Variants in ARAP2 observed in about 807,000 individuals in gnomAD.
The protein encoded by ARAP2 is ArfGAP with RhoGAP domain, ankyrin repeat and PH domain 2, also known as arf-GAP with Rho-GAP domain, ANK repeat and PH domain-containing protein 2.
Under a neutral mutation model 194.5 loss-of-function variants are expected in ARAP2, and 148 were observed. The ratio of observed to expected loss-of-function variants is 0.76; its 90% CI spans 0.67 to 0.87. The LOEUF is 0.87. Among genes scored for constraint, ARAP2 ranks in the 40% least tolerant of loss-of-function variants. The pLI, the probability that ARAP2 is intolerant of heterozygous loss-of-function variation, is 0.00. For missense variants in ARAP2, 2,128 were observed against 1,989.7 expected (o/e 1.07, Z -1.32); for synonymous variants, 695 against 683.5 (o/e 1.02, Z -0.26).
intron 5 of ARAP2, among the ~76,000 whole-genome samples, chr4:36,037,015 T>G (rs1372734054): frequency 1.3e-5 from 2 of 152,176 alleles, no homozygotes; most frequent in African/African-American, 4.8e-5. Context: ...TCTTCCCCTC[T>G]TCTTTTCTCT....
At chr4:36,196,744 C>T (rs1411850578) in intron 6 of ARAP2, among the ~76,000 whole-genome samples, 7 of 151,890 alleles carry the variant, frequency 4.6e-5, no homozygotes, top group South Asian at 4.2e-4. Context: ...TCTGTGGTCA[C>T]GCATTCACCC....
chr4:36,218,562 T>C (rs1748492187), intron 2 of ARAP2, among the ~76,000 whole-genome samples: 1 of 152,130 alleles, frequency 6.6e-6, no homozygotes, highest in Non-Finnish European at 1.5e-5. Context: ...AATGAAAATT[T>C]ACTCCTACCT....
intron 1 of ARAP2, among the ~76,000 whole-genome samples, chr4:36,236,173 T>C (rs1752413176): frequency 2.4e-5 from 3 of 125,136 alleles, no homozygotes; most frequent in African/African-American, 6.7e-5. Context: ...AGCCAGACCC[T>C]GTCTCAAAAA....
chr4:36,150,021 C>T lies in ARAP2; in HGVS notation c.2897+879G>A, dbSNP rs375275867. On this transcript the variant is annotated intron_variant, in intron 16 of 32. Transcript: ENST00000303965. ...CTTTCACACCAAAGATCTTAGATGG[C>T]CTGCTTTTAAAGTCCTGACAAAGAT... is the stretch of plus-strand genomic sequence containing the variant. Among the ~76,000 whole-genome samples, 211 of 152,144 alleles carry T rather than the reference C, an allele frequency of 1.4e-3. 8 individuals are homozygous for T. In the South Asian group the frequency reaches 0.026, roughly 18 times the overall value.
chr4:36,216,379 T>G (rs1161291641), intron 2 of ARAP2, among the ~76,000 whole-genome samples: 1 of 152,200 alleles, frequency 6.6e-6, no homozygotes, highest in East Asian at 1.9e-4. Flanking sequence ...TATCAAGTGT[T>G]GGAAAATATG....
At chr4:36,082,612 G>A (rs1257037274) in intron 29 of ARAP2, among the ~76,000 whole-genome samples, 1 of 152,082 alleles carries the variant, frequency 6.6e-6, no homozygotes. Context: ...CGGTTACTGG[G>A]GGAAATTAAA....
chr4:36,194,274 T>A (rs1484791195), intron 6 of ARAP2, among the ~76,000 whole-genome samples: 1 of 152,176 alleles, frequency 6.6e-6, no homozygotes, highest in East Asian at 1.9e-4. Context: ...AGATATCACA[T>A]GTTGCAGGCT....
intron 6 of ARAP2, among the ~76,000 whole-genome samples, chr4:36,196,221 TAG>T (rs1675628679): frequency 6.6e-6 from 1 of 152,226 alleles, no homozygotes; most frequent in Admixed American, 6.5e-5. Context: ...AAAACTTTCT[TAG>T]AATTCCATCA....
chr4:36,114,044 A>C (rs3736442), intron 26 of ARAP2, 126 bp downstream of exon 26: 254,691 of 712,472 alleles, frequency 0.36, 48,829 homozygotes, highest in East Asian at 0.49. Flanking sequence ...ATATATTAAT[A>C]CATGCACTAA....
chr4:36,067,919 C>A lies in ARAP2; in HGVS notation c.5103G>T (p.Gln1701His), dbSNP rs150737657. The A allele has an allele frequency of 8.6e-4, 1,355 of 1,574,844 alleles. 1 individual carries two copies. The highest frequency in any genetic ancestry group is 1.1e-3 in the Non-Finnish European group (1,267 of 1,158,660). ...TTCATTTTATTTCCTACTTCAAAAT[C>A]TGCTCATCCTGTAATTCTTTTGGAA... ...RTLPKELQDEQILK is the reference protein window; with the variant it reads ...RTLPKELQDEHILK The change falls in exon 33 of 33, where the codon CAG becomes CAT. Residue 1701 changes from glutamine to histidine, a missense_variant. Transcript: ENST00000303965.
At chr4:36,016,321 A>G (rs1715791323) in intron 6 of ARAP2, among the ~76,000 whole-genome samples, 1 of 152,228 alleles carries the variant, frequency 6.6e-6, no homozygotes, top group Non-Finnish European at 1.5e-5. Flanking sequence ...CATAAGCTTC[A>G]GGATAATGTT....
intron 31 of ARAP2, among the ~76,000 whole-genome samples, chr4:36,079,163 G>A (rs1196128457): frequency 2.1e-5 from 2 of 94,868 alleles, no homozygotes; most frequent in Non-Finnish European, 3.8e-5. Flanking sequence ...AACAGAGCAA[G>A]ACTCTGTCTC....
intron 26 of ARAP2, among the ~76,000 whole-genome samples, chr4:36,112,367 T>C (rs1431551436): frequency 6.6e-6 from 1 of 151,900 alleles, no homozygotes; most frequent in Non-Finnish European, 1.5e-5. Flanking sequence ...AAGACATCAG[T>C]GTGAACATCA....
chr4:36,147,644 C>A lies in ARAP2; in HGVS notation c.3103G>T (p.Gly1035Cys). 6.2e-7 allele frequency: 1 copy of A among 1,613,520 alleles called. No individual in the cohort carries two copies. The highest frequency in any genetic ancestry group is 1.1e-5 in the South Asian group (1 of 91,016). ...CTGGATTTGTCCATAGCAAACCAGC[C>A]TTTTCTCCACTGATCCAGGGCATGG... is the stretch of plus-strand genomic sequence containing the variant. ...DCHALDQWRK[G>C]WFAMDKSSLH... Residue 1035 changes from glycine (G) to cysteine (C), a missense_variant, in exon 18 of 33, where the codon GGC becomes TGC. Transcript: ENST00000303965.
intron 15 of ARAP2, among the ~76,000 whole-genome samples, chr4:36,156,439 GAAAGAGAA>G (rs1311235641): frequency 0.032 from 459 of 14,180 alleles, no homozygotes; most frequent in African/African-American, 0.079. Context: ...AAGAAAGAAA[GAAAGAGAA>G]AGAAAGAAAG....
intron 19 of ARAP2, among the ~76,000 whole-genome samples, chr4:36,140,139 TACACACACACACACAC>T (rs66531233): frequency 2.1e-5 from 3 of 140,384 alleles, no homozygotes; most frequent in Admixed American, 1.4e-4. Context: ...ACAAAAACAA[TACACACACACACACAC>T]ACACACACAC....
chr4:36,147,178 T>G, intron 19 of ARAP2, 118 bp downstream of exon 19: 8 of 812,050 alleles, frequency 9.9e-6, no homozygotes, highest in Non-Finnish European at 1.6e-5. Flanking sequence ...ATTTATATGA[T>G]TCAGAAAATT....
chr4:36,018,539 A>G (rs547773176), intron 6 of ARAP2, among the ~76,000 whole-genome samples: 1 of 152,244 alleles, frequency 6.6e-6, no homozygotes, highest in Admixed American at 6.5e-5. Flanking sequence ...CTCCAGAACT[A>G]CATTATAAAT....
At chr4:36,082,328 A>G in intron 29 of ARAP2, 42 bp from the exon 30 acceptor site, 1 of 1,573,808 alleles carries the variant, frequency 6.4e-7, no homozygotes, top group African/African-American at 1.4e-5. Flanking sequence ...ATTAAAAATA[A>G]TACATTTTAC....
Sources: allele counts gnomAD v4.1 joint callset (sites outside exome capture counted in the v4.1 genomes callset), GRCh38; gene constraint gnomAD v4.1.1; transcripts MANE v1.5; gene names NCBI Gene and HGNC (gene_info 2026-07-23, HGNC 2026-07-21).